The following TRAPPC3L variants were observed in gnomAD, a reference collection of about 807,000 sequenced individuals.
The protein encoded by TRAPPC3L is trafficking protein particle complex subunit 3L, also known as trafficking protein particle complex subunit 3-like protein.
A neutral mutation model predicts 23.7 loss-of-function variants in TRAPPC3L; 23 were observed. The observed-to-expected ratio is 0.97, with a 90% CI of 0.70 to 1.37. The LOEUF (loss-of-function observed/expected upper bound fraction) is 1.37, where lower values mean the gene tolerates loss of function less well. Ranked by LOEUF, TRAPPC3L falls within the 40% of genes most tolerant of loss-of-function variation. The pLI is 0.00. For missense variants in TRAPPC3L, 212 were observed against 216.8 expected (o/e 0.98, Z 0.14); for synonymous variants, 81 against 77.9 (o/e 1.04, Z -0.21).
chr6:116,514,676 G>A (rs951967213), intron 3 of TRAPPC3L, among the ~76,000 whole-genome samples: 2 of 152,158 alleles, frequency 1.3e-5, no homozygotes, highest in East Asian at 3.9e-4. Context: ...CAGAGGTTGA[G>A]ACCCTTCACA....
At position 116,515,459 on chromosome 6, in the gene TRAPPC3L, T is replaced by G. The variant is rs529666554; in HGVS notation, c.241-14793A>C. 7.2e-6 allele frequency: 7 copies of G among 974,366 alleles called. No individual in the cohort carries two copies. The African/African-American group carries it at 9.8e-5, about 14-fold the overall frequency. 60.4% of individuals were successfully genotyped at this position (974,366 alleles called of 1,614,324 possible). On this transcript the variant is annotated intron_variant, in intron 3 of 4. Transcript: ENST00000368602. ...AAATTCAAAAAGTGAGTTTAAAGTGTTTAAAAATTAAGATGAATGATTTCA... is the reference window on the plus strand; with the variant it reads ...AAATTCAAAAAGTGAGTTTAAAGTGGTTAAAAATTAAGATGAATGATTTCA...
At chr6:116,545,107 A>G (rs1773697340) in intron 1 of TRAPPC3L, among the ~76,000 whole-genome samples, 1 of 145,390 alleles carries the variant, frequency 6.9e-6, no homozygotes, top group Admixed American at 6.8e-5. Context: ...ATATACACAC[A>G]TATATATATA....
At position 116,497,038 on chromosome 6, in the gene TRAPPC3L, G is replaced by A; in HGVS notation, c.462C>T (p.Asp154=). 2.6e-6 allele frequency: 4 copies of A among 1,544,814 alleles called. No individual in the cohort carries two copies. The highest frequency in any genetic ancestry group is 3.5e-6 in the Non-Finnish European group (4 of 1,144,764). ...CTGTCACACTGTCACCTTTTAGTCT[G>A]TCTTGCAAGAATGTAACATCAGCCG... The part of the protein sequence containing the change: ...HLAADVTFLQ[D]RLKGDSVTEI... Residue 154 remains aspartate (D), a synonymous_variant, in exon 5 of 5, where the codon GAC becomes GAT. Transcript: ENST00000368602.
At chr6:116,541,061 A>G (rs1174625673) in intron 2 of TRAPPC3L, among the ~76,000 whole-genome samples, 1 of 152,156 alleles carries the variant, frequency 6.6e-6, no homozygotes, top group East Asian at 1.9e-4. Context: ...GAAACAAACT[A>G]TGGGATTGGG....
chr6:116,515,612 T>C, intron 3 of TRAPPC3L: 1 of 1,610,438 alleles, frequency 6.2e-7, no homozygotes, highest in Non-Finnish European at 8.5e-7. Flanking sequence ...TCTAGGATGG[T>C]GCCTGATTTG....
intron 3 of TRAPPC3L, chr6:116,529,171 AC>A (rs1772545402): frequency 6.6e-6 from 1 of 152,122 alleles, no homozygotes; most frequent in African/African-American, 2.4e-5. Flanking sequence ...CTTTGCTGCA[AC>A]CCTTCAGCTC....
intron 3 of TRAPPC3L, among the ~76,000 whole-genome samples, chr6:116,527,466 C>G (rs6906274): frequency 0.68 from 100,641 of 148,358 alleles, 34,171 homozygotes; most frequent in East Asian, 0.89. Flanking sequence ...AGTGAGCCGA[C>G]ATCGAGCCAC....
chr6:116,518,029 A>G (rs1268965435), intron 3 of TRAPPC3L: 1 of 152,312 alleles, frequency 6.6e-6, no homozygotes, highest in African/African-American at 2.4e-5. Context: ...CTGTGCCTCC[A>G]TCTGGCTGTT....
rs1216390156 is a variant in TRAPPC3L at position 116,495,266 on chromosome 6, A to C, written c.*1688T>G. ...CCTACAAATAAATGAGAACATGCAA[A>C]GTCTGTCTTTCTGTCCTGACATATT... On this transcript the variant is annotated 3_prime_UTR_variant, in exon 5 of 5. Transcript: ENST00000368602. 2 of 151,906 alleles carry C rather than the reference A, an allele frequency of 1.3e-5. 1 individual carries two copies. Among genetic ancestry groups the C allele is most frequent in the Admixed American group, 1.3e-4 (2 of 15,222 alleles). 9.4% of individuals were successfully genotyped at this position (151,906 alleles called of 1,614,324 possible).
intron 3 of TRAPPC3L, 40 bp downstream of exon 3, chr6:116,540,323 A>G (rs1773357771): frequency 1.3e-6 from 2 of 1,533,642 alleles, no homozygotes; most frequent in Non-Finnish European, 1.8e-6. Flanking sequence ...AGAATCAGAG[A>G]TTTTTCAAAA....
chr6:116,531,578 T>A (rs1386479961), intron 3 of TRAPPC3L, among the ~76,000 whole-genome samples: 1 of 152,096 alleles, frequency 6.6e-6, no homozygotes, highest in Admixed American at 6.6e-5. Flanking sequence ...TCCCAGAATA[T>A]CTCTACAATA....
intron 3 of TRAPPC3L, among the ~76,000 whole-genome samples, chr6:116,540,006 A>G (rs987820658): frequency 2.0e-5 from 3 of 152,162 alleles, no homozygotes; most frequent in Non-Finnish European, 4.4e-5. Flanking sequence ...ACCAAAAACC[A>G]TCTCCCTCCA....
intron 3 of TRAPPC3L, among the ~76,000 whole-genome samples, chr6:116,514,652 A>T (rs1562339997): frequency 6.6e-6 from 1 of 152,186 alleles, no homozygotes; most frequent in Non-Finnish European, 1.5e-5. Flanking sequence ...GCCAGTCCAG[A>T]GTTGGCATTG....
intron 3 of TRAPPC3L, among the ~76,000 whole-genome samples, chr6:116,507,748 G>A (rs980864208): frequency 6.6e-6 from 1 of 152,160 alleles, no homozygotes. Flanking sequence ...AGTCTCTAAG[G>A]AACAAGTGGT....
Position 116,500,657 on chromosome 6 carries a change from T to C in TRAPPC3L, c.250A>G (p.Lys84Glu). 6.4e-6 allele frequency: 10 copies of C among 1,551,332 alleles called. No individual in the cohort carries two copies. Among genetic ancestry groups the C allele is most frequent in the Non-Finnish European group, 8.7e-6 (10 of 1,146,890 alleles). Residue 84 changes from lysine to glutamate, a missense_variant, in exon 4 of 5, where the codon AAG becomes GAG. Transcript: ENST00000368602. The stretch of plus-strand genomic sequence containing the variant: ...CTTGGTGTAATTCCCAGGTACATCT[T>C]GAAAGCAACCTGATAAGAAAAAAAC... Reference protein sequence around the residue: ...IIDIIAQVAFKMYLGITPSVT... With the variant: ...IIDIIAQVAFEMYLGITPSVT...
At position 116,545,464 on chromosome 6, in the gene TRAPPC3L, A is replaced by G. The variant is rs1319093556; in HGVS notation, c.42+9T>C. On this transcript the variant is annotated intron_variant, in intron 1 of 4. Transcript: ENST00000368602. Reference sequence around the variant, plus strand: ...AAGTAGAAAAAATCTCTTTGTAGAAAGATCTTACTATTTTATGGTATTCTG... The same window carrying G: ...AAGTAGAAAAAATCTCTTTGTAGAAGGATCTTACTATTTTATGGTATTCTG... 6.5e-7 allele frequency: 1 copy of G among 1,541,456 alleles called. No individual in the cohort carries two copies. Among genetic ancestry groups the G allele is most frequent in the East Asian group, 2.5e-5 (1 of 40,642 alleles).
At chr6:116,533,864 T>C (rs1008348523) in intron 3 of TRAPPC3L, among the ~76,000 whole-genome samples, 6 of 152,210 alleles carry the variant, frequency 3.9e-5, no homozygotes, top group Admixed American at 2.0e-4. Flanking sequence ...TTCCAGCTTA[T>C]AGTTTTCTTA....
intron 3 of TRAPPC3L, among the ~76,000 whole-genome samples, chr6:116,537,895 T>C (rs1419167663): frequency 6.6e-6 from 1 of 152,242 alleles, no homozygotes; most frequent in African/African-American, 2.4e-5. Flanking sequence ...ATGTACTTCC[T>C]ATTGGCATAT....
chr6:116,522,051 C>G (rs939857733), intron 3 of TRAPPC3L: 1 of 152,132 alleles, frequency 6.6e-6, no homozygotes, highest in African/African-American at 2.4e-5. Flanking sequence ...AGAGAGATCC[C>G]AATGGCTCCA....
Sources: allele counts gnomAD v4.1 joint callset (sites outside exome capture counted in the v4.1 genomes callset), GRCh38; gene constraint gnomAD v4.1.1; transcripts MANE v1.5; gene names NCBI Gene and HGNC (gene_info 2026-07-23, HGNC 2026-07-21).